The following B3GALT1 variants were observed in gnomAD, a reference collection of about 807,000 sequenced individuals.
B3GALT1 encodes the protein beta-1,3-galactosyltransferase 1.
Under a neutral mutation model 23.2 loss-of-function variants are expected in B3GALT1, and 10 were observed. The observed-to-expected ratio is 0.43, with a 90% CI of 0.27 to 0.73. B3GALT1 has a LOEUF of 0.73. B3GALT1 is among the 30% of genes least tolerant of loss of function. The pLI is 0.21. For synonymous variants in B3GALT1, 156 were observed against 141.5 expected (o/e 1.10, Z -0.73); for missense variants, 299 against 405.4 (o/e 0.74, Z 2.25).
chr2:167,639,373 G>C (rs10497326), intron 2 of B3GALT1, among the ~76,000 whole-genome samples: 100,641 of 151,634 alleles, frequency 0.66, 34,608 homozygotes, highest in Admixed American at 0.75. Flanking sequence ...TTAGTAATGA[G>C]TTTGTATTCT....
In B3GALT1 at chr2:167,618,615, C is replaced by CA. The variant is rs1376971928; in HGVS notation, c.-409-28286dup. ...ATTATACGACTAATGTTCTTCATAA[C>CA]AAAAAAAATTTCTAGTCTAGGTCAA... On this transcript the variant is annotated intron_variant, in intron 2 of 4. Transcript: ENST00000392690. Among the ~76,000 whole-genome samples the CA allele has an allele frequency of 3.9e-5, 6 of 151,906 alleles. No homozygotes were observed. In the East Asian group the frequency reaches 7.8e-4, roughly 20 times the overall value.
chr2:167,485,500 G>A (rs1164816030), intron 1 of B3GALT1, among the ~76,000 whole-genome samples: 3 of 152,148 alleles, frequency 2.0e-5, no homozygotes, highest in East Asian at 3.9e-4. Flanking sequence ...GAAATTGAGT[G>A]TCCAGGCTAC....
At position 167,322,578 on chromosome 2, in the gene B3GALT1, G is replaced by A. The variant is rs181671196; in HGVS notation, c.-511+29244G>A. On this transcript the variant is annotated intron_variant, in intron 1 of 4. Coordinates refer to ENST00000392690, the MANE Select transcript of B3GALT1 (RefSeq NM_020981.4). ...GAACGACATTTAGTAAAATTAAAAC[G>A]AGTGATTTGGATATTGAAAAGTATT... 2.0e-5 allele frequency among the ~76,000 whole-genome samples: 3 copies of A among 152,024 alleles called. No individual in the cohort carries two copies. The East Asian group carries it at 5.8e-4, about 29-fold the overall frequency.
intron 2 of B3GALT1, among the ~76,000 whole-genome samples, chr2:167,503,164 A>T (rs1699871073): frequency 1.3e-5 from 2 of 152,206 alleles, no homozygotes; most frequent in Non-Finnish European, 2.9e-5. Context: ...TAAAGTTAAG[A>T]TTATTGACAC....
chr2:167,315,183 T>G (rs1696693884), intron 1 of B3GALT1, among the ~76,000 whole-genome samples: 1 of 152,132 alleles, frequency 6.6e-6, no homozygotes, highest in African/African-American at 2.4e-5. Flanking sequence ...AATAAACTGT[T>G]TTTTTGCTCC....
In B3GALT1 at chr2:167,713,819, A is replaced by G. The variant is rs577155477; in HGVS notation, c.-352+66853A>G. On this transcript the variant is annotated intron_variant, in intron 3 of 4. Transcript: ENST00000392690. ...ACCCCTCTGTGGATAGATGTTTCTC[A>G]TTGCAAATGGAGCATGTGGTGGACC... is the stretch of plus-strand genomic sequence containing the variant. The G allele has an allele frequency of 2.7e-5, 43 of 1,592,678 alleles. No individual in the cohort carries two copies. In the African/African-American group the frequency reaches 4.2e-4, roughly 15 times the overall value.
chr2:167,750,734 CAAAA>C (rs527622209), intron 3 of B3GALT1, among the ~76,000 whole-genome samples: 1 of 58,552 alleles, frequency 1.7e-5, no homozygotes, highest in Non-Finnish European at 4.3e-5. Flanking sequence ...GACTGTTGAG[CAAAA>C]AAAAAAAAAA....
chr2:167,304,084 A>G (rs1696505945), intron 1 of B3GALT1, among the ~76,000 whole-genome samples: 1 of 152,112 alleles, frequency 6.6e-6, no homozygotes, highest in South Asian at 2.1e-4. Context: ...CCCTTACTTT[A>G]CTAGTAGATA....
At chr2:167,643,946 C>A (rs1176678411) in intron 2 of B3GALT1, among the ~76,000 whole-genome samples, 1 of 152,168 alleles carries the variant, frequency 6.6e-6, no homozygotes, top group Non-Finnish European at 1.5e-5. Flanking sequence ...CTTTACCTCT[C>A]TCTGTCTTTC....
intron 3 of B3GALT1, among the ~76,000 whole-genome samples, chr2:167,799,026 A>G (rs1688589258): frequency 6.6e-6 from 1 of 152,180 alleles, no homozygotes; most frequent in Non-Finnish European, 1.5e-5. Flanking sequence ...GTTTTCACAT[A>G]TTCAGAGGCA....
intron 1 of B3GALT1, among the ~76,000 whole-genome samples, chr2:167,423,984 A>G (rs1698587468): frequency 6.6e-6 from 1 of 152,122 alleles, no homozygotes; most frequent in South Asian, 2.1e-4. Flanking sequence ...ACATGACAAC[A>G]CGTTTTTTAA....
chr2:167,355,385 A>G (rs1284339894), intron 1 of B3GALT1, among the ~76,000 whole-genome samples: 1 of 152,246 alleles, frequency 6.6e-6, no homozygotes, highest in Non-Finnish European at 1.5e-5. Flanking sequence ...TGGTGGGCCC[A>G]GTGCTTTCAT....
At chr2:167,736,971 A>G (rs988351398) in intron 3 of B3GALT1, among the ~76,000 whole-genome samples, 2 of 148,188 alleles carry the variant, frequency 1.3e-5, no homozygotes, top group Admixed American at 7.0e-5. Context: ...CAATGAATTC[A>G]TTCTGATAAA....
At chr2:167,363,899 C>T (rs1697541312) in intron 1 of B3GALT1, among the ~76,000 whole-genome samples, 1 of 152,092 alleles carries the variant, frequency 6.6e-6, no homozygotes, top group African/African-American at 2.4e-5. Flanking sequence ...TGGCTCACAC[C>T]TATAATCCCA....
At chr2:167,417,149 T>C (rs935301219) in intron 1 of B3GALT1, among the ~76,000 whole-genome samples, 30 of 152,184 alleles carry the variant, frequency 2.0e-4, no homozygotes, top group African/African-American at 7.2e-4. Flanking sequence ...AAATTCATGT[T>C]GACACTCAAT....
chr2:167,788,295 C>T (rs937733092), intron 3 of B3GALT1, among the ~76,000 whole-genome samples: 16 of 151,744 alleles, frequency 1.1e-4, no homozygotes, highest in Non-Finnish European at 1.8e-4. Flanking sequence ...GGGGTGTTTT[C>T]GAGATGATTC....
chr2:167,504,022 A>G lies in B3GALT1; in HGVS notation c.-410+13745A>G, dbSNP rs111551967. Among the ~76,000 whole-genome samples the G allele has an allele frequency of 2.0e-5, 3 of 152,266 alleles. 1 individual carries two copies. The highest frequency in any genetic ancestry group is 1.9e-4 in the East Asian group (1 of 5,178). ...TGGTAAAGGAGACAGAAACTTAACA[A>G]TATCCACCAAGCAACAGAACTACCA... On this transcript the variant is annotated intron_variant, in intron 2 of 4. Coordinates refer to ENST00000392690, the MANE Select transcript of B3GALT1 (RefSeq NM_020981.4).
At chr2:167,533,440 G>A (rs1395095653) in intron 2 of B3GALT1, among the ~76,000 whole-genome samples, 1 of 151,642 alleles carries the variant, frequency 6.6e-6, no homozygotes, top group East Asian at 1.9e-4. Context: ...ATTATTTTTG[G>A]TATTGTATTT....
chr2:167,487,326 A>G (rs1421516592), intron 1 of B3GALT1, among the ~76,000 whole-genome samples: 3 of 152,182 alleles, frequency 2.0e-5, no homozygotes, highest in African/African-American at 7.2e-5. Flanking sequence ...AAAACATTCA[A>G]CATCCTTTAT....
Sources: allele counts gnomAD v4.1 joint callset (sites outside exome capture counted in the v4.1 genomes callset), GRCh38; gene constraint gnomAD v4.1.1; transcripts MANE v1.5; gene names NCBI Gene and HGNC (gene_info 2026-07-23, HGNC 2026-07-21).